Variants in COL6A2 observed in about 807,000 individuals in gnomAD.
COL6A2 encodes the protein collagen type VI alpha 2 chain, also known as collagen alpha-2(VI) chain.
A neutral mutation model predicts 124.9 loss-of-function variants in COL6A2; 90 were observed. That is an observed-to-expected ratio of 0.72 (90% CI 0.61 to 0.86). The LOEUF (loss-of-function observed/expected upper bound fraction) is 0.86, where lower values mean the gene tolerates loss of function less well. COL6A2 is among the 40% of genes least tolerant of loss of function. The probability of loss-of-function intolerance (pLI) is 0.00; values close to 1 mark genes in which losing one functional copy is unlikely to be tolerated. For synonymous variants in COL6A2, 793 were observed against 618.2 expected (o/e 1.28, Z -4.19); for missense variants, 1,607 against 1,502.5 (o/e 1.07, Z -1.15).
intron 21 of COL6A2, 60 bp from the exon 22 acceptor site, chr21:46,124,591 G>A (rs2078630189): frequency 6.5e-7 from 1 of 1,548,928 alleles, no homozygotes; most frequent in South Asian, 1.1e-5. Context: ...AGGGGGCCCT[G>A]CTGTGTGCAG....
chr21:46,130,976 T>C (rs1314791380), intron 27 of COL6A2, among the ~76,000 whole-genome samples: 2 of 152,190 alleles, frequency 1.3e-5, no homozygotes, highest in Non-Finnish European at 2.9e-5. Context: ...AGAGCTTTGC[T>C]CACTGCCTGC....
rs775644917 is a variant in COL6A2 at position 46,125,894 on chromosome 21, C to A, written c.2079C>A (p.Asn693Lys). Residue 693 changes from asparagine (N) to lysine (K), a missense_variant, in exon 26 of 28, where the codon AAC (asparagine) becomes AAA (lysine). Asn to Lys is a moderately conservative substitution (Grantham distance 94). Transcript: ENST00000300527. Reference sequence around the variant, plus strand: ...CGAGCTTCAAGGAGGCTGTCAAGAACCTCGAGTGGATTGCGGGCGGCACCT... The same window carrying A: ...CGAGCTTCAAGGAGGCTGTCAAGAAACTCGAGTGGATTGCGGGCGGCACCT... ...SLSSFKEAVK[N>K]LEWIAGGTWT... 6.8e-6 allele frequency: 11 copies of A among 1,613,198 alleles called. No individual in the cohort carries two copies. Among genetic ancestry groups the A allele is most frequent in the Non-Finnish European group, 9.3e-6 (11 of 1,179,974 alleles).
rs775138758 is a variant in COL6A2 at position 46,121,021 on chromosome 21, G to A, written c.1396-40G>A. 5 of 1,596,036 alleles carry A rather than the reference G, an allele frequency of 3.1e-6. No individual in the cohort carries two copies. The African/African-American group carries it at 5.4e-5, about 17-fold the overall frequency. ...ATACTGGGGACTCCAGGGTGCTGCT[G>A]TCAGTCAAGAGAACCCCAAATTCCT... On this transcript the variant is annotated intron_variant, in intron 16 of 27. Coordinates refer to ENST00000300527, the MANE Select transcript of COL6A2 (RefSeq NM_001849.4).
intron 1 of COL6A2, chr21:46,099,261 G>A (rs13051420): frequency 0.43 from 65,548 of 151,998 alleles, 16,113 homozygotes; most frequent in Admixed American, 0.56. Flanking sequence ...AGACCAGCCT[G>A]GCCAACAGGG....
At position 46,111,506 on chromosome 21, in the gene COL6A2, G is replaced by A. The variant is rs759360860; in HGVS notation, c.30G>A (p.Leu10=). The A allele has an allele frequency of 1.9e-6, 3 of 1,612,936 alleles. No individual in the cohort carries two copies. In the South Asian group the frequency reaches 3.3e-5, roughly 18 times the overall value. Residue 10 remains leucine, a synonymous_variant, in exon 2 of 28, where the codon CTG becomes CTA. Transcript: ENST00000300527. The part of the protein sequence containing the change: MLQGTCSVL[L]LWGILGAIQA... Reference sequence around the variant, plus strand: ...TCCAGGGCACCTGCTCCGTGCTCCTGCTCTGGGGAATCCTGGGGGCCATCC... The same window carrying A: ...TCCAGGGCACCTGCTCCGTGCTCCTACTCTGGGGAATCCTGGGGGCCATCC...
intron 1 of COL6A2, among the ~76,000 whole-genome samples, chr21:46,100,091 T>C (rs1314561763): frequency 6.6e-6 from 1 of 151,620 alleles, no homozygotes; most frequent in Non-Finnish European, 1.5e-5. Flanking sequence ...GTTTTTTTGG[T>C]TTTTTGTTTG....
chr21:46,132,806 G>C lies in COL6A2; in HGVS notation c.*254G>C, dbSNP rs1169631645. 7 of 572,682 alleles carry C rather than the reference G, an allele frequency of 1.2e-5. No homozygotes were observed. Among genetic ancestry groups the C allele is most frequent in the African/African-American group, 5.7e-5 (3 of 52,868 alleles). The allele number at this position is 572,682 out of a possible 1,614,324, so 35.5% of individuals were successfully genotyped here. A position where few individuals can be genotyped will look rare whatever the true frequency, so the allele number is the denominator to read the frequency against. ...AAGGCTCCTGACCTACCTGGCCCCTGAGCTCTGGAGCAAGCCCTGACCCAA... is the reference window on the plus strand; with the variant it reads ...AAGGCTCCTGACCTACCTGGCCCCTCAGCTCTGGAGCAAGCCCTGACCCAA... On this transcript the variant is annotated 3_prime_UTR_variant, in exon 28 of 28. Coordinates refer to ENST00000300527, the MANE Select transcript of COL6A2 (RefSeq NM_001849.4).
intron 21 of COL6A2, among the ~76,000 whole-genome samples, chr21:46,123,639 G>A (rs1189870407): frequency 6.6e-6 from 1 of 151,632 alleles, no homozygotes; most frequent in Admixed American, 6.6e-5. Flanking sequence ...GTGGGTGGGT[G>A]GATGGATAAG....
intron 26 of COL6A2, 52 bp downstream of exon 26, chr21:46,126,289 C>T (rs1173405127): frequency 5.7e-6 from 9 of 1,584,816 alleles, no homozygotes; most frequent in African/African-American, 1.3e-5. Context: ...GCCCCAGCCG[C>T]TGTCTAGCGT....
At position 46,121,093 on chromosome 21, in the gene COL6A2, C is replaced by G; in HGVS notation, c.1428C>G (p.Pro476=). The change falls in exon 17 of 28, where the codon CCC becomes CCG. Residue 476 remains proline (P), a synonymous_variant. Coordinates refer to ENST00000300527, the MANE Select transcript of COL6A2 (RefSeq NM_001849.4). The part of the protein sequence containing the change: ...GDRGLPGPRG[P]QGALGEPGKQ... Reference sequence around the variant, plus strand: ...GAGGCTTGCCTGGACCCAGAGGCCCCCAGGGAGCTCTTGGGGAGCCCGGAA... The same window carrying G: ...GAGGCTTGCCTGGACCCAGAGGCCCGCAGGGAGCTCTTGGGGAGCCCGGAA... 1 of 1,612,792 alleles carries G rather than the reference C, an allele frequency of 6.2e-7. No homozygotes were observed. Among genetic ancestry groups the G allele is most frequent in the Non-Finnish European group, 8.5e-7 (1 of 1,179,948 alleles).
At chr21:46,125,701 T>G (rs2078652794) in intron 25 of COL6A2, 84 bp downstream of exon 25, 1 of 1,591,876 alleles carries the variant, frequency 6.3e-7, no homozygotes, top group African/African-American at 1.3e-5. Flanking sequence ...TCCAGACGCG[T>G]CCCTCCAACG....
rs773529187 is a variant in COL6A2, at chr21:46,116,805, T to C, written c.990T>C (p.Asp330=). The C allele has an allele frequency of 1.9e-6, 3 of 1,612,800 alleles. No individual in the cohort carries two copies. The highest frequency in any genetic ancestry group is 1.3e-5 in the African/African-American group (1 of 74,908). The change falls in exon 10 of 28, where the codon GAT becomes GAC. Residue 330 remains aspartate, a synonymous_variant. Coordinates refer to ENST00000300527, the MANE Select transcript of COL6A2 (RefSeq NM_001849.4). This position sits in a 1 kb window ranked among gnomAD's most constrained non-coding sequence, Gnocchi z 4.6. The part of the protein sequence containing the change: ...APGLAGKNGT[D]GQKGKLGRIG... ...GCCTGGCTGGCAAGAACGGGACCGA[T>C]GGACAGAAGGTAGAGGGAGCCTCGG...
Position 46,112,550 on chromosome 21 carries a change from C to T in COL6A2, c.687C>T (p.Asp229=), listed in dbSNP as rs143496259. Residue 229 remains aspartate, a synonymous_variant, in exon 3 of 28, where the codon GAC becomes GAT. Coordinates refer to ENST00000300527, the MANE Select transcript of COL6A2 (RefSeq NM_001849.4). ...MLPDSTEIDQ[D]TINRIIKVMK... is the part of the protein sequence containing the mutation. ...CCGACTCCACCGAGATCGACCAGGA[C>T]ACCATCAACCGCATCATCAAGGTCA... The T allele has an allele frequency of 6.2e-7, 1 of 1,612,138 alleles. No individual in the cohort carries two copies. Among genetic ancestry groups the T allele is most frequent in the African/African-American group, 1.3e-5 (1 of 74,904 alleles).
intron 27 of COL6A2, among the ~76,000 whole-genome samples, chr21:46,126,966 G>C (rs572477064): frequency 5.9e-5 from 9 of 152,132 alleles, no homozygotes; most frequent in Non-Finnish European, 8.8e-5. Context: ...AGCACCAGCA[G>C]GTCTTGCTCC....
intron 27 of COL6A2, among the ~76,000 whole-genome samples, chr21:46,131,452 G>C (rs2078758674): frequency 6.6e-6 from 1 of 152,222 alleles, no homozygotes; most frequent in Admixed American, 6.5e-5. Context: ...AAGAGTCAGG[G>C]GCTCCTGGTC....
intron 12 of COL6A2, 150 bp from the exon 13 acceptor site, chr21:46,118,464 C>T (rs2078510453): frequency 4.1e-6 from 3 of 732,054 alleles, no homozygotes; most frequent in East Asian, 2.7e-5. Context: ...TTCCAGCAGC[C>T]CCCAGCCAGC....
At chr21:46,108,124 TA>T (rs990679130) in intron 1 of COL6A2, among the ~76,000 whole-genome samples, 5 of 151,754 alleles carry the variant, frequency 3.3e-5, no homozygotes, top group Non-Finnish European at 5.9e-5. Context: ...TTCTCTTTTT[TA>T]AAAAAACTTT....
Position 46,112,419 on chromosome 21 carries a change from C to T in COL6A2, c.556C>T (p.Arg186Trp), listed in dbSNP as rs754048358. The T allele has an allele frequency of 1.4e-5, 23 of 1,608,880 alleles. No homozygotes were observed. The highest frequency in any genetic ancestry group is 6.7e-5 in the Admixed American group (4 of 59,888). Residue 186 changes from arginine (R) to tryptophan (W), a missense_variant, in exon 3 of 28, where the codon CGG becomes TGG. Physicochemically the swap from Arg to Trp is moderately radical, Grantham distance 101. Around this residue, in one of 3 missense-constraint regions of COL6A2, gnomAD observed 342 missense variants for 381.5 expected, o/e 0.90. Transcript: ENST00000300527. ...CGAGCGGGCCCGCGAGGAGGGCATC[C>T]GGCTCTTCGCCGTGGCCCCCAACCA... ...QAERAREEGI[R>W]LFAVAPNQNL...
intron 1 of COL6A2, among the ~76,000 whole-genome samples, chr21:46,103,231 A>G (rs1195577887): frequency 2.0e-5 from 3 of 152,086 alleles, no homozygotes; most frequent in Non-Finnish European, 4.4e-5. Context: ...GTACACTCTT[A>G]TAATCTTTTT....
Sources: gnomAD v4.1 joint callset for allele counts (sites outside exome capture counted in the v4.1 genomes callset) on GRCh38, gnomAD v4.1.1 for gene constraint, gnomAD v4.1.1 regional missense constraint, Gnocchi (gnomAD v3.1) non-coding constraint, MANE v1.5 for transcripts, NCBI Gene and HGNC (gene_info 2026-07-23, HGNC 2026-07-21) for gene names.